Variants in SPRED2 observed in about 807,000 individuals in gnomAD.
SPRED2 encodes sprouty related EVH1 domain containing 2.
SPRED2 carries 47 observed loss-of-function variants against 43.0 expected under a neutral mutation model. The observed-to-expected ratio is 1.09, with a 90% CI of 0.87 to 1.40. SPRED2 has a LOEUF of 1.40. Ranked by LOEUF, SPRED2 falls within the 40% of genes most tolerant of loss-of-function variation. The probability of loss-of-function intolerance (pLI) is 0.00; values close to 1 mark genes in which losing one functional copy is unlikely to be tolerated. For synonymous variants in SPRED2, 225 were observed against 225.7 expected (o/e 1.00, Z 0.03); for missense variants, 561 against 586.4 (o/e 0.96, Z 0.45).
At chr2:65,394,528 T>G (rs1011401160) in intron 1 of SPRED2, among the ~76,000 whole-genome samples, 2 of 152,196 alleles carry the variant, frequency 1.3e-5, no homozygotes, top group African/African-American at 4.8e-5. Flanking sequence ...ACAACAGGTT[T>G]CACAGACGCT....
At chr2:65,391,793 G>T (rs268127) in intron 1 of SPRED2, among the ~76,000 whole-genome samples, 138,900 of 152,248 alleles carry the variant, frequency 0.91, 63,847 homozygotes, top group East Asian at 1. Context: ...CAAACAACAG[G>T]GCATGAAAAA....
At chr2:65,363,012 T>G (rs796281510) in intron 1 of SPRED2, among the ~76,000 whole-genome samples, 44 of 140,784 alleles carry the variant, frequency 3.1e-4, no homozygotes, top group African/African-American at 4.7e-4. Flanking sequence ...TTTGTTTTTT[T>G]TTTTTTTTTT....
rs11341778 is a variant in SPRED2, at chr2:65,354,552, G to GA, written c.27-9657dup. 2.0e-3 allele frequency among the ~76,000 whole-genome samples: 286 copies of GA among 142,458 alleles called. 2 individuals are homozygous for GA. In the Middle Eastern group the frequency reaches 0.026, roughly 13 times the overall value. The allele number at this position is 142,458 out of a possible 152,430, so 93.5% of individuals were successfully genotyped here. ...TAGATTCTATCTACAGTGCTCTCAT[G>GA]AAAAAAAAAAAAATCTTAATAGAAA... On this transcript the variant is annotated intron_variant, in intron 1 of 5. Coordinates refer to ENST00000356388, the MANE Select transcript of SPRED2 (RefSeq NM_181784.3).
rs151145384 is a variant in SPRED2, at chr2:65,415,956, C to T, written c.26+16006G>A. On this transcript the variant is annotated intron_variant, in intron 1 of 5. Coordinates refer to ENST00000356388, the MANE Select transcript of SPRED2 (RefSeq NM_181784.3). The stretch of plus-strand genomic sequence containing the variant: ...AATGTGTGTCACCTTTTAAATACCA[C>T]CCAGTATGACAGATTAATCGGAATG... 8.2e-3 allele frequency among the ~76,000 whole-genome samples: 1,247 copies of T among 152,228 alleles called. 5 individuals are homozygous for T. The highest frequency in any genetic ancestry group is 9.7e-3 in the Non-Finnish European group (660 of 68,022).
Position 65,311,104 on chromosome 2 carries a change from G to A in SPRED2, c.*2397C>T, listed in dbSNP as rs955045983. ...ATGTGAGCAAATAGCTTGGGGGGTCGGGGAGGCTTCTGGACAGAAAATCTT... is the reference window on the plus strand; with the variant it reads ...ATGTGAGCAAATAGCTTGGGGGGTCAGGGAGGCTTCTGGACAGAAAATCTT... On this transcript the variant is annotated 3_prime_UTR_variant, in exon 6 of 6. Transcript: ENST00000356388. 1.5e-5 allele frequency: 15 copies of A among 985,588 alleles called. No homozygotes were observed. The highest frequency in any genetic ancestry group is 1.1e-4 in the East Asian group (1 of 8,820). 61.1% of individuals were successfully genotyped at this position (985,588 alleles called of 1,614,324 possible).
chr2:65,362,314 G>A (rs1418898162), intron 1 of SPRED2, among the ~76,000 whole-genome samples: 1 of 151,942 alleles, frequency 6.6e-6, no homozygotes, highest in African/African-American at 2.4e-5. Context: ...CTGTCGCCCA[G>A]GCTGGAGTGC....
intron 1 of SPRED2, among the ~76,000 whole-genome samples, chr2:65,415,394 T>C (rs930657952): frequency 6.6e-6 from 1 of 152,184 alleles, no homozygotes; most frequent in Non-Finnish European, 1.5e-5. Flanking sequence ...TATGATTTTA[T>C]AGCTCTGCTT....
At chr2:65,421,970 A>G (rs1676434400) in intron 1 of SPRED2, among the ~76,000 whole-genome samples, 1 of 152,176 alleles carries the variant, frequency 6.6e-6, no homozygotes, top group Non-Finnish European at 1.5e-5. Flanking sequence ...GTGAGACCTC[A>G]GGCAAGACAG....
At chr2:65,423,678 T>C (rs577790370) in intron 1 of SPRED2, among the ~76,000 whole-genome samples, 37 of 152,266 alleles carry the variant, frequency 2.4e-4, no homozygotes, top group African/African-American at 8.4e-4. Context: ...CCTTATTACA[T>C]GATGGGGGAC....
At chr2:65,359,394 A>C (rs1674742618) in intron 1 of SPRED2, among the ~76,000 whole-genome samples, 1 of 151,664 alleles carries the variant, frequency 6.6e-6, no homozygotes, top group African/African-American at 2.4e-5. Context: ...ATAAGGGAGT[A>C]GTGTAGTTTG....
intron 1 of SPRED2, chr2:65,366,461 T>A: frequency 1.1e-6 from 1 of 928,436 alleles, no homozygotes; most frequent in Non-Finnish European, 1.6e-6. Flanking sequence ...TACAAACACA[T>A]ACACACTGTG....
chr2:65,428,699 A>G (rs1676609459), intron 1 of SPRED2, among the ~76,000 whole-genome samples: 1 of 152,240 alleles, frequency 6.6e-6, no homozygotes, highest in Non-Finnish European at 1.5e-5. Context: ...TCCCAGCAAG[A>G]AGTGGGTTAC....
At position 65,432,361 on chromosome 2, in the gene SPRED2, G is replaced by A. The variant is rs1279664491; in HGVS notation, c.-374C>T. 2.0e-5 allele frequency among the ~76,000 whole-genome samples: 3 copies of A among 149,526 alleles called. No individual in the cohort carries two copies. In the East Asian group the frequency reaches 6.1e-4, roughly 30 times the overall value. ...TGCTGCGAGGAGGAGGAGAGCGCCG[G>A]CCGCGGGTGGGGGGGCTCAGTCCGG... On this transcript the variant is annotated 5_prime_UTR_variant, in exon 1 of 6. Transcript: ENST00000356388.
At chr2:65,390,272 C>G (rs1056741039) in intron 1 of SPRED2, among the ~76,000 whole-genome samples, 3 of 152,164 alleles carry the variant, frequency 2.0e-5, no homozygotes, top group African/African-American at 7.2e-5. Context: ...TGTAGCAAAA[C>G]TGAAAGAACT....
At chr2:65,347,610 G>GT (rs1348739072) in intron 1 of SPRED2, among the ~76,000 whole-genome samples, 2 of 152,056 alleles carry the variant, frequency 1.3e-5, no homozygotes, top group African/African-American at 4.8e-5. Context: ...TGTAACTGTG[G>GT]TTAAGCCATC....
chr2:65,415,052 A>T (rs1324247187), intron 1 of SPRED2, among the ~76,000 whole-genome samples: 1 of 152,112 alleles, frequency 6.6e-6, no homozygotes, highest in Non-Finnish European at 1.5e-5. Flanking sequence ...TTCCCAAACT[A>T]TTGGGATTAC....
intron 1 of SPRED2, among the ~76,000 whole-genome samples, chr2:65,345,240 A>G (rs1029789816): frequency 7.4e-6 from 1 of 135,618 alleles, no homozygotes; most frequent in Non-Finnish European, 1.6e-5. Flanking sequence ...ACACACACCT[A>G]TTTTGGTTTT....
At chr2:65,381,048 GAGA>G (rs1675362107) in intron 1 of SPRED2, among the ~76,000 whole-genome samples, 1 of 152,210 alleles carries the variant, frequency 6.6e-6, no homozygotes, top group Admixed American at 6.5e-5. Context: ...CTGCTGCCCA[GAGA>G]AGGAGTAGCC....
Position 65,311,541 on chromosome 2 carries a change from GAA to G in SPRED2, c.*1958_*1959del. The G allele has an allele frequency of 4.1e-6, 4 of 985,858 alleles. No individual in the cohort carries two copies. The highest frequency in any genetic ancestry group is 2.4e-6 in the Non-Finnish European group (2 of 829,930). The allele number at this position is 985,858 out of a possible 1,614,324, so 61.1% of individuals were successfully genotyped here. A position where few individuals can be genotyped will look rare whatever the true frequency, so the allele number is the denominator to read the frequency against. ...TGCTTTGTAGAGAAGAGACCCTAGAGAAAGACCCCAAGGAAGTGCCTCCGGGT... is the reference window on the plus strand; with the variant it reads ...TGCTTTGTAGAGAAGAGACCCTAGAGAGACCCCAAGGAAGTGCCTCCGGGT... On this transcript the variant is annotated 3_prime_UTR_variant, in exon 6 of 6. Coordinates refer to ENST00000356388, the MANE Select transcript of SPRED2 (RefSeq NM_181784.3).
Sources: gnomAD v4.1 joint callset for allele counts (sites outside exome capture counted in the v4.1 genomes callset) on GRCh38, gnomAD v4.1.1 for gene constraint, MANE v1.5 for transcripts, NCBI Gene and HGNC (gene_info 2026-07-23, HGNC 2026-07-21) for gene names.